NXN: variants seen among roughly 807,000 people sequenced by gnomAD.
NXN encodes nucleoredoxin.
NXN carries 16 observed loss-of-function variants against 48.6 expected under a neutral mutation model. The ratio of observed to expected loss-of-function variants is 0.33; its 90% confidence interval spans 0.22 to 0.50. The LOEUF (loss-of-function observed/expected upper bound fraction) is 0.50. Among genes scored for constraint, NXN ranks in the 20% least tolerant of loss-of-function variants. NXN has a pLI of 0.98. For synonymous variants in NXN, 281 were observed against 269.6 expected, an observed-to-expected ratio of 1.04 and a Z score of -0.41; for missense variants, 492 against 605.5, an observed-to-expected ratio of 0.81 and a Z score of 1.97.
Position 868,390 on chromosome 17 carries a change from G to A in NXN, c.361-42312C>T, listed in dbSNP as rs184987078. Among the ~76,000 whole-genome samples the A allele has an allele frequency of 3.3e-5, 5 of 152,268 alleles. No homozygotes were observed. The East Asian group carries it at 9.7e-4, about 29-fold the overall frequency. On this transcript the variant is annotated intron_variant, in intron 1 of 7. Transcript: ENST00000336868. ...AACTCTCATCCAGCCAGCAGGGTGA[G>A]GGAGCTCCTCCTCGGCTCTCACCCG...
At chr17:968,851 C>T (rs545903458) in intron 1 of NXN, among the ~76,000 whole-genome samples, 4 of 151,954 alleles carry the variant, frequency 2.6e-5, no homozygotes, top group Admixed American at 1.3e-4. Flanking sequence ...GCAGGAGTAT[C>T]GCTTGAACCT....
intron 1 of NXN, among the ~76,000 whole-genome samples, chr17:895,994 A>C (rs1597221766): frequency 6.6e-6 from 1 of 151,926 alleles, no homozygotes; most frequent in East Asian, 1.9e-4. Flanking sequence ...GGATTGTTTG[A>C]GGCCAAGAGT....
intron 1 of NXN, among the ~76,000 whole-genome samples, chr17:926,495 CTCTT>C (rs2068800213): frequency 6.6e-6 from 1 of 150,972 alleles, no homozygotes. Flanking sequence ...CTCCTCCCCT[CTCTT>C]TTCTCTTTAT....
At chr17:863,852 C>T in intron 1 of NXN, 1 of 948,500 alleles carries the variant, frequency 1.1e-6, no homozygotes, top group Admixed American at 2.1e-5. Flanking sequence ...CAAGGATCAA[C>T]TGTCCTTCAG....
intron 1 of NXN, among the ~76,000 whole-genome samples, chr17:895,538 C>T (rs988129147): frequency 2.6e-4 from 39 of 151,616 alleles, no homozygotes; most frequent in African/African-American, 6.5e-4. Context: ...TGTGGCCGGG[C>T]GCAGTGGCTC....
chr17:902,219 G>A (rs182327457), intron 1 of NXN, among the ~76,000 whole-genome samples: 616 of 152,290 alleles, frequency 4.0e-3, no homozygotes, highest in Non-Finnish European at 6.1e-3. Context: ...CCACTCGCAC[G>A]ACGGACCCAC....
At chr17:874,836 T>C (rs892191232) in intron 1 of NXN, among the ~76,000 whole-genome samples, 4 of 152,248 alleles carry the variant, frequency 2.6e-5, no homozygotes, top group African/African-American at 4.8e-5. Flanking sequence ...CAGTCACTAC[T>C]GCACACTCCT....
intron 1 of NXN, among the ~76,000 whole-genome samples, chr17:864,412 C>T (rs554981746): frequency 1.4e-4 from 22 of 152,334 alleles, no homozygotes; most frequent in African/African-American, 5.3e-4. Flanking sequence ...AGTTCCATGT[C>T]CCATGGGACA....
intron 1 of NXN, among the ~76,000 whole-genome samples, chr17:839,867 C>G (rs527276201): frequency 6.8e-6 from 1 of 146,462 alleles, no homozygotes; most frequent in Non-Finnish European, 1.5e-5. Context: ...GAGGCCGAGG[C>G]GGGCAGATTA....
chr17:935,909 A>G (rs556245480), intron 1 of NXN, among the ~76,000 whole-genome samples: 48 of 152,064 alleles, frequency 3.2e-4, no homozygotes, highest in Non-Finnish European at 4.4e-4. Context: ...CCTGACCAAC[A>G]TGGTGAAACC....
Position 921,523 on chromosome 17 carries a change from C to T in NXN, c.360+57796G>A, listed in dbSNP as rs1170984092. ...TCCCCTACGCCAGCCCCTCTGCCTGCCCCTGAATGCTGGGGGTGATGGTTT... is the reference window on the plus strand; with the variant it reads ...TCCCCTACGCCAGCCCCTCTGCCTGTCCCTGAATGCTGGGGGTGATGGTTT... On this transcript the variant is annotated intron_variant, in intron 1 of 7. Coordinates refer to ENST00000336868, the MANE Select transcript of NXN (RefSeq NM_022463.5). Among the ~76,000 whole-genome samples, 3 of 152,192 alleles carry T rather than the reference C, an allele frequency of 2.0e-5. No homozygotes were observed. In the East Asian group the frequency reaches 5.8e-4, roughly 29 times the overall value.
intron 1 of NXN, chr17:910,039 T>C (rs2068621042): frequency 6.6e-6 from 1 of 152,212 alleles, no homozygotes; most frequent in African/African-American, 2.4e-5. Context: ...GAGAACAATC[T>C]TAAATCTCCT....
In NXN at chr17:979,383, T is replaced by G; in HGVS notation, c.296A>C (p.Gln99Pro). The G allele has an allele frequency of 6.6e-7, 1 of 1,521,886 alleles. No individual in the cohort carries two copies. Among genetic ancestry groups the G allele is most frequent in the Non-Finnish European group, 8.8e-7 (1 of 1,134,932 alleles). 94.3% of individuals were successfully genotyped at this position (1,521,886 alleles called of 1,614,324 possible). The change falls in exon 1 of 8, where the codon CAG (glutamine) becomes CCG (proline). Residue 99 changes from glutamine to proline, a missense_variant. Gln to Pro is a moderately conservative substitution (Grantham distance 76). Coordinates refer to ENST00000336868, the MANE Select transcript of NXN (RefSeq NM_022463.5). ...CATGTCCCGCACGAAGTCCTGCCAC[T>G]GCCGCTGGTCCTGGTCCGAGGACAC... ...VFVSSDQDQRQWQDFVRDMPW... is the reference protein window; with the variant it reads ...VFVSSDQDQRPWQDFVRDMPW...
chr17:946,261 C>T (rs1418879006), intron 1 of NXN, among the ~76,000 whole-genome samples: 3 of 131,642 alleles, frequency 2.3e-5, no homozygotes, highest in East Asian at 4.3e-4. Flanking sequence ...CTCCGCCTCC[C>T]GGGTTCAAGC....
intron 1 of NXN, among the ~76,000 whole-genome samples, chr17:969,691 G>A (rs565988327): frequency 3.9e-5 from 6 of 152,220 alleles, no homozygotes; most frequent in African/African-American, 1.4e-4. Context: ...CACGTTTAAC[G>A]GGAGGAAAAG....
At chr17:891,141 C>T (rs1052554162) in intron 1 of NXN, among the ~76,000 whole-genome samples, 2 of 152,180 alleles carry the variant, frequency 1.3e-5, no homozygotes, top group Non-Finnish European at 2.9e-5. Context: ...CACAGTGGCA[C>T]GATCACAGCT....
intron 5 of NXN, among the ~76,000 whole-genome samples, chr17:818,268 T>G (rs1400767801): frequency 6.6e-6 from 1 of 151,820 alleles, no homozygotes; most frequent in Non-Finnish European, 1.5e-5. Context: ...CTTAAAAATA[T>G]ATATATAATT....
intron 1 of NXN, among the ~76,000 whole-genome samples, chr17:891,097 ATCCG>A (rs1194459816): frequency 6.8e-6 from 1 of 146,822 alleles, no homozygotes; most frequent in African/African-American, 2.6e-5. Context: ...CCGTCCGTCC[ATCCG>A]TCCATCTCAC....
intron 1 of NXN, among the ~76,000 whole-genome samples, chr17:928,842 T>C (rs1378765727): frequency 1.3e-5 from 2 of 151,910 alleles, no homozygotes; most frequent in Non-Finnish European, 2.9e-5. Flanking sequence ...TCTCAAAAAA[T>C]AATTAAGGAA....
Sources: gnomAD v4.1 joint callset for allele counts (sites outside exome capture counted in the v4.1 genomes callset) on GRCh38, gnomAD v4.1.1 for gene constraint, MANE v1.5 for transcripts, NCBI Gene and HGNC (gene_info 2026-07-23, HGNC 2026-07-21) for gene names.